Variants in ATP8A2 observed in about 807,000 individuals in gnomAD.
The protein encoded by ATP8A2 is ATPase phospholipid transporting 8A2.
A neutral mutation model predicts 165.6 loss-of-function variants in ATP8A2; 100 were observed. That is an observed-to-expected ratio of 0.60 (90% CI 0.51 to 0.71). The LOEUF (loss-of-function observed/expected upper bound fraction) is 0.71. Ranked by LOEUF, ATP8A2 falls within the 30% of genes least tolerant of loss-of-function variation. The probability of loss-of-function intolerance (pLI) is 0.00; values close to 1 mark genes in which losing one functional copy is unlikely to be tolerated. For synonymous variants in ATP8A2, 543 were observed against 548.8 expected (o/e 0.99, Z 0.15); for missense variants, 1,227 against 1,479.5 (o/e 0.83, Z 2.80).
At chr13:25,847,897 C>T (rs530158069) in intron 30 of ATP8A2, among the ~76,000 whole-genome samples, 1 of 152,158 alleles carries the variant, frequency 6.6e-6, no homozygotes, top group South Asian at 2.1e-4. Flanking sequence ...ACCCACTGAG[C>T]AGGTGTTCCC....
At chr13:25,425,594 A>C (rs2034425327) in intron 1 of ATP8A2, among the ~76,000 whole-genome samples, 1 of 137,430 alleles carries the variant, frequency 7.3e-6, no homozygotes, top group African/African-American at 2.6e-5. Context: ...TTTTTTTTTG[A>C]GATGGAGTCT....
intron 25 of ATP8A2, among the ~76,000 whole-genome samples, chr13:25,757,496 A>G (rs2044287681): frequency 9.7e-6 from 1 of 102,980 alleles, no homozygotes; most frequent in African/African-American, 3.8e-5. Flanking sequence ...CAGTGTAACG[A>G]TATACTATGT....
chr13:25,822,905 A>G (rs141452646), intron 27 of ATP8A2, among the ~76,000 whole-genome samples: 1 of 152,362 alleles, frequency 6.6e-6, no homozygotes, highest in East Asian at 1.9e-4. Flanking sequence ...ATTTGAGTAT[A>G]TAGAGACTGA....
intron 35 of ATP8A2, among the ~76,000 whole-genome samples, chr13:25,971,495 C>T (rs572105112): frequency 1.8e-4 from 28 of 152,180 alleles, no homozygotes; most frequent in African/African-American, 6.5e-4. Flanking sequence ...TTCCTTCTTT[C>T]CTACCCTCAT....
intron 1 of ATP8A2, among the ~76,000 whole-genome samples, chr13:25,377,784 T>C (rs1222097325): frequency 1.3e-5 from 2 of 151,788 alleles, no homozygotes; most frequent in African/African-American, 2.4e-5. Flanking sequence ...AGGGTGAGAC[T>C]CTCTCTCTAA....
chr13:25,562,511 A>G (rs1025896438), intron 15 of ATP8A2, among the ~76,000 whole-genome samples: 1 of 152,094 alleles, frequency 6.6e-6, no homozygotes, highest in African/African-American at 2.4e-5. Context: ...AGGACCCACT[A>G]TTGTATTAAG....
intron 35 of ATP8A2, among the ~76,000 whole-genome samples, chr13:25,984,560 T>A (rs1310948366): frequency 6.7e-6 from 1 of 148,764 alleles, no homozygotes; most frequent in Non-Finnish European, 1.5e-5. Flanking sequence ...ACCAAGATTG[T>A]GTCCTCTAGC....
At chr13:25,536,123 T>C in intron 6 of ATP8A2, among the ~76,000 whole-genome samples, 1 of 152,182 alleles carries the variant, frequency 6.6e-6, no homozygotes, top group Non-Finnish European at 1.5e-5. Context: ...TTTTATTTTA[T>C]TCTTTTTAGA....
chr13:25,551,156 A>G (rs1468843763), intron 10 of ATP8A2, among the ~76,000 whole-genome samples, 182 bp from the exon 11 acceptor site: 1 of 152,184 alleles, frequency 6.6e-6, no homozygotes, highest in African/African-American at 2.4e-5. Context: ...GTCTTTCTTC[A>G]TTACTTAAAA....
chr13:25,390,028 T>G (rs1593242303), intron 1 of ATP8A2, among the ~76,000 whole-genome samples: 1 of 146,780 alleles, frequency 6.8e-6, no homozygotes, highest in East Asian at 2.0e-4. Flanking sequence ...GGAGTCTTGC[T>G]CTGTCACCCA....
At chr13:25,925,552 A>G in intron 33 of ATP8A2, among the ~76,000 whole-genome samples, 1 of 151,956 alleles carries the variant, frequency 6.6e-6, no homozygotes, top group South Asian at 2.1e-4. Context: ...AAAAAAAACA[A>G]AATTGTAGAT....
intron 24 of ATP8A2, among the ~76,000 whole-genome samples, chr13:25,602,311 T>C (rs2040408816): frequency 1.3e-5 from 2 of 152,110 alleles, no homozygotes; most frequent in African/African-American, 4.8e-5. Flanking sequence ...GAAACAGGGC[T>C]GGCGGGGAGG....
In ATP8A2 at chr13:26,023,416, G is replaced by A. The variant is rs1957114452; in HGVS notation, c.*3431G>A. Reference sequence around the variant, plus strand: ...TTTTCTTTCCCTTGACAAGGCTTCAGGTTCGTCTCACTATAGGGAGCTGGC... The same window carrying A: ...TTTTCTTTCCCTTGACAAGGCTTCAAGTTCGTCTCACTATAGGGAGCTGGC... On this transcript the variant is annotated 3_prime_UTR_variant, in exon 37 of 37. Coordinates refer to ENST00000381655, the MANE Select transcript of ATP8A2 (RefSeq NM_016529.6). 6.6e-6 allele frequency: 1 copy of A among 152,142 alleles called. No individual in the cohort carries two copies. The highest frequency in any genetic ancestry group is 1.5e-5 in the Non-Finnish European group (1 of 68,032). 9.4% of individuals were successfully genotyped at this position (152,142 alleles called of 1,614,324 possible). A position where few individuals can be genotyped will look rare whatever the true frequency, so the allele number is the denominator to read the frequency against.
chr13:25,896,883 T>G (rs1953570706), intron 33 of ATP8A2, among the ~76,000 whole-genome samples: 2 of 151,976 alleles, frequency 1.3e-5, no homozygotes, highest in Admixed American at 1.3e-4. Context: ...TTCCATTTGC[T>G]TGGTAGATCT....
At chr13:25,587,407 G>GT (rs1030994385) in intron 23 of ATP8A2, among the ~76,000 whole-genome samples, 4 of 150,960 alleles carry the variant, frequency 2.6e-5, no homozygotes, top group African/African-American at 7.3e-5. Flanking sequence ...AGTGTCAGTA[G>GT]TTTTTTTTTC....
intron 36 of ATP8A2, among the ~76,000 whole-genome samples, chr13:26,012,898 T>A (rs2139359569): frequency 6.6e-6 from 1 of 152,314 alleles, no homozygotes. Flanking sequence ...AGGAGTTTTT[T>A]AAGGTTGAAG....
chr13:25,614,629 A>G (rs2040774591), intron 24 of ATP8A2, among the ~76,000 whole-genome samples: 2 of 152,284 alleles, frequency 1.3e-5, no homozygotes, highest in South Asian at 2.1e-4. Context: ...ATGTGGGCAC[A>G]TTATGTGAGA....
chr13:25,836,140 A>C (rs1328012799), intron 28 of ATP8A2, among the ~76,000 whole-genome samples: 1 of 151,906 alleles, frequency 6.6e-6, no homozygotes, highest in Non-Finnish European at 1.5e-5. Context: ...GTGCCTAGGT[A>C]AACTGGTTGC....
Position 25,530,044 on chromosome 13 carries a change from T to G in ATP8A2, c.267T>G (p.Tyr89Ter). Reference sequence around the variant, plus strand: ...TGACATTTCTACCTCGATTCTTGTATGAGCAGATTAGAAGAGCTGCTAATG... The same window carrying G: ...TGACATTTCTACCTCGATTCTTGTAGGAGCAGATTAGAAGAGCTGCTAATG... ...SVLTFLPRFL[Y>*]EQIRRAANAF... The change falls in exon 3 of 37, where the codon TAT becomes TAG. Residue 89 changes from tyrosine to a stop codon, truncating the protein, a stop_gained. Transcript: ENST00000381655. LOFTEE classifies it high-confidence loss of function. 1 of 1,613,266 alleles carries G rather than the reference T, an allele frequency of 6.2e-7. No individual in the cohort carries two copies. The highest frequency in any genetic ancestry group is 8.5e-7 in the Non-Finnish European group (1 of 1,179,404).
Sources: allele counts gnomAD v4.1 joint callset (sites outside exome capture counted in the v4.1 genomes callset), GRCh38; gene constraint gnomAD v4.1.1; transcripts MANE v1.5; gene names NCBI Gene and HGNC (gene_info 2026-07-23, HGNC 2026-07-21).